Variants in UGGT2 observed in about 807,000 individuals in gnomAD.
UGGT2 encodes the protein UDP-glucose glycoprotein glucosyltransferase 2.
Under a neutral mutation model 192.1 loss-of-function variants are expected in UGGT2, and 180 were observed. The ratio of observed to expected loss-of-function variants is 0.94; its 90% CI spans 0.83 to 1.06. The LOEUF (loss-of-function observed/expected upper bound fraction) is 1.06. Among genes scored for constraint, UGGT2 ranks in the 50% least tolerant of loss-of-function variants. The pLI, the probability that UGGT2 is intolerant of heterozygous loss-of-function variation, is 0.00. For synonymous variants in UGGT2, 580 were observed against 591.0 expected (o/e 0.98, Z 0.27); for missense variants, 1,849 against 1,795.7 (o/e 1.03, Z -0.54).
chr13:95,877,510 C>T (rs933555904), intron 28 of UGGT2, 146 bp from the exon 29 acceptor site: 7 of 969,410 alleles, frequency 7.2e-6, no homozygotes, highest in Non-Finnish European at 1.0e-5. Context: ...AGAGATTTTA[C>T]AATAACCTGT....
rs369591830 is a variant in UGGT2, at chr13:95,986,314, C to G, written c.1031+19G>C. Reference sequence around the variant, plus strand: ...AGAAAGAGTTATAGCTGCAATGAAACCTATAAACTTTAACATACCTGGCTT... The same window carrying G: ...AGAAAGAGTTATAGCTGCAATGAAAGCTATAAACTTTAACATACCTGGCTT... On this transcript the variant is annotated intron_variant, in intron 9 of 38. Coordinates refer to ENST00000376747, the MANE Select transcript of UGGT2 (RefSeq NM_020121.4). The G allele has an allele frequency of 6.7e-7, 1 of 1,485,640 alleles. No individual in the cohort carries two copies. Among genetic ancestry groups the G allele is most frequent in the African/African-American group, 1.4e-5 (1 of 72,178 alleles). The allele number at this position is 1,485,640 out of a possible 1,614,324, so 92.0% of individuals were successfully genotyped here.
chr13:95,848,056 T>C (rs1888652287), intron 36 of UGGT2, among the ~76,000 whole-genome samples: 1 of 152,234 alleles, frequency 6.6e-6, no homozygotes, highest in Non-Finnish European at 1.5e-5. Context: ...TGATGATATA[T>C]GATGTGGAGC....
intron 27 of UGGT2, 114 bp from the exon 28 acceptor site, chr13:95,877,970 T>C: frequency 9.5e-7 from 1 of 1,056,934 alleles, no homozygotes. Context: ...GGTGGCTAAC[T>C]TTAAGTCTTT....
chr13:95,806,780 T>TG (rs990426587), intron 38 of UGGT2, among the ~76,000 whole-genome samples: 1 of 152,082 alleles, frequency 6.6e-6, no homozygotes, highest in African/African-American at 2.4e-5. Context: ...GACCATTCAA[T>TG]GGGGAAATGA....
intron 1 of UGGT2, among the ~76,000 whole-genome samples, chr13:96,047,964 C>T (rs940672237): frequency 1.3e-5 from 2 of 152,174 alleles, no homozygotes; most frequent in Non-Finnish European, 2.9e-5. Context: ...AGGAATTGAA[C>T]TCAGCTCTGC....
chr13:95,969,197 T>G (rs2050687044), intron 12 of UGGT2, among the ~76,000 whole-genome samples: 1 of 152,190 alleles, frequency 6.6e-6, no homozygotes, highest in Admixed American at 6.5e-5. Context: ...TGAGCTTCCC[T>G]GGTAGGAAGC....
At chr13:95,973,625 G>A (rs189546436) in intron 10 of UGGT2, among the ~76,000 whole-genome samples, 8 of 152,248 alleles carry the variant, frequency 5.3e-5, no homozygotes, top group East Asian at 1.9e-4. Flanking sequence ...ATCTCCAGGC[G>A]CTAGAACAGT....
chr13:96,001,325 G>C lies in UGGT2; in HGVS notation c.661-2018C>G, dbSNP rs185189173. Among the ~76,000 whole-genome samples, 987 of 152,164 alleles carry C rather than the reference G, an allele frequency of 6.5e-3. 4 individuals carry two copies. Among genetic ancestry groups the C allele is most frequent in the Non-Finnish European group, 0.01 (712 of 68,014 alleles). On this transcript the variant is annotated intron_variant, in intron 5 of 38. Transcript: ENST00000376747. ...TTCCTGGCTCATCCTGGCTCAAAAA[G>C]CTCCCCCACTGAGTACCTTGCGACC...
At position 95,832,920 on chromosome 13, in the gene UGGT2, G is replaced by T; in HGVS notation, c.4528+7C>A. ...GTTTCAGACATCACAACACGTTGAT[G>T]ACTTACTTGTATCTTGCTTCTTGTT... On this transcript the variant is annotated splice_region_variant and intron_variant, in intron 38 of 38. Coordinates refer to ENST00000376747, the MANE Select transcript of UGGT2 (RefSeq NM_020121.4). 3 of 1,611,644 alleles carry T rather than the reference G, an allele frequency of 1.9e-6. No individual in the cohort carries two copies. In the South Asian group the frequency reaches 3.3e-5, roughly 18 times the overall value.
At chr13:95,924,369 A>G (rs1220225987) in intron 20 of UGGT2, among the ~76,000 whole-genome samples, 1 of 138,634 alleles carries the variant, frequency 7.2e-6, no homozygotes, top group Non-Finnish European at 1.6e-5. Flanking sequence ...ATTTCTCCCA[A>G]TAGATGTAAT....
intron 4 of UGGT2, among the ~76,000 whole-genome samples, chr13:96,015,434 C>T (rs1007730750): frequency 7.9e-5 from 12 of 152,140 alleles, no homozygotes; most frequent in East Asian, 1.9e-4. Flanking sequence ...AGTCTGTAAT[C>T]GACAGTACCT....
chr13:96,005,177 GA>G (rs1418967063), intron 5 of UGGT2, among the ~76,000 whole-genome samples: 1 of 152,056 alleles, frequency 6.6e-6, no homozygotes, highest in African/African-American at 2.4e-5. Flanking sequence ...ATTTTCTGAA[GA>G]AAAAATAAAG....
intron 5 of UGGT2, among the ~76,000 whole-genome samples, chr13:96,007,760 C>T (rs188761030): frequency 3.9e-5 from 6 of 152,084 alleles, no homozygotes; most frequent in Non-Finnish European, 5.9e-5. Context: ...ACAAAGAAAA[C>T]TACAACACTG....
At chr13:95,950,333 A>AAGTACTATAT in intron 12 of UGGT2, among the ~76,000 whole-genome samples, 1 of 152,172 alleles carries the variant, frequency 6.6e-6, no homozygotes, top group African/African-American at 2.4e-5. Context: ...ACCAAAGTCC[A>AAGTACTATAT]AGTACTATAT....
intron 12 of UGGT2, among the ~76,000 whole-genome samples, chr13:95,964,803 AG>A (rs1352298284): frequency 6.6e-6 from 1 of 152,080 alleles, no homozygotes; most frequent in Non-Finnish European, 1.5e-5. Context: ...CAGTGTGAAC[AG>A]GCAACCTACA....
chr13:96,007,364 T>A (rs779073785), intron 5 of UGGT2, among the ~76,000 whole-genome samples: 2 of 152,152 alleles, frequency 1.3e-5, no homozygotes, highest in Admixed American at 6.5e-5. Flanking sequence ...AGGGAATAAT[T>A]GAAAGCCATC....
At chr13:95,837,310 A>T (rs768277496) in intron 36 of UGGT2, 108 bp from the exon 37 acceptor site, 139 of 752,914 alleles carry the variant, frequency 1.8e-4, no homozygotes, top group Middle Eastern at 7.5e-4. Context: ...CATAAAACAT[A>T]TGCAAATCTG....
intron 33 of UGGT2, chr13:95,856,667 A>G: frequency 2.3e-6 from 1 of 425,914 alleles, no homozygotes; most frequent in Non-Finnish European, 4.5e-6. Flanking sequence ...ACTTAAAAAA[A>G]AGCCTCTGGA....
At chr13:95,834,013 C>T (rs977884221) in intron 37 of UGGT2, among the ~76,000 whole-genome samples, 8 of 152,080 alleles carry the variant, frequency 5.3e-5, no homozygotes, top group Admixed American at 3.9e-4. Flanking sequence ...CAAATATTTT[C>T]AGTTGATTCA....
Sources: gnomAD v4.1 joint callset for allele counts (sites outside exome capture counted in the v4.1 genomes callset) on GRCh38, gnomAD v4.1.1 for gene constraint, MANE v1.5 for transcripts, NCBI Gene and HGNC (gene_info 2026-07-23, HGNC 2026-07-21) for gene names.